Variants in MIA2 observed in about 807,000 individuals in gnomAD.
The protein encoded by MIA2 is MIA SH3 domain ER export factor 2.
In MIA2, 127 loss-of-function variants were observed where a neutral mutation model predicts 167.8. The ratio of observed to expected loss-of-function variants is 0.76; its 90% CI spans 0.66 to 0.88. The LOEUF (loss-of-function observed/expected upper bound fraction) is 0.88, where lower values mean the gene tolerates loss of function less well. Ranked by LOEUF, MIA2 falls within the 40% of genes least tolerant of loss-of-function variation. MIA2 has a pLI of 0.00. For synonymous variants in MIA2, 552 were observed against 541.9 expected, an observed-to-expected ratio of 1.02 and a Z score of -0.26; for missense variants, 1,690 against 1,624.7, an observed-to-expected ratio of 1.04 and a Z score of -0.69.
intron 9 of MIA2, among the ~76,000 whole-genome samples, chr14:39,286,626 C>T (rs999945968): frequency 4.6e-5 from 7 of 151,668 alleles, no homozygotes; most frequent in African/African-American, 1.2e-4. Flanking sequence ...ATGTCATCTG[C>T]GAACAGATAA....
chr14:39,246,420 C>CAAAT (rs1264097920), intron 3 of MIA2, among the ~76,000 whole-genome samples: 33 of 152,204 alleles, frequency 2.2e-4, no homozygotes, highest in African/African-American at 7.2e-4. Flanking sequence ...TATTTAATAA[C>CAAAT]AAATAAATCA....
At chr14:39,364,867 G>C (rs1387754329) in intron 23 of MIA2, among the ~76,000 whole-genome samples, 1 of 149,582 alleles carries the variant, frequency 6.7e-6, no homozygotes, top group African/African-American at 2.5e-5. Context: ...TTTTTTTCTT[G>C]TTGTTTTTGG....
chr14:39,274,651 C>A (rs2057675813), intron 6 of MIA2, among the ~76,000 whole-genome samples: 2 of 149,576 alleles, frequency 1.3e-5, no homozygotes, highest in South Asian at 2.2e-4. Context: ...GTCTCAAACT[C>A]CTGACCTCAA....
At chr14:39,372,569 A>G (rs945819819) in intron 23 of MIA2, among the ~76,000 whole-genome samples, 9 of 152,198 alleles carry the variant, frequency 5.9e-5, no homozygotes, top group African/African-American at 1.9e-4. Flanking sequence ...TGAACTTCGT[A>G]AATTTTAAAT....
At chr14:39,361,029 A>G (rs759774608) in intron 23 of MIA2, among the ~76,000 whole-genome samples, 2 of 152,214 alleles carry the variant, frequency 1.3e-5, no homozygotes, top group Admixed American at 6.5e-5. Context: ...TTATACCAAT[A>G]CTATGCTGTT....
chr14:39,277,756 A>ATATATATATATATATGTGTG (rs2058348721), intron 7 of MIA2, among the ~76,000 whole-genome samples: 1 of 21,588 alleles, frequency 4.6e-5, no homozygotes, highest in Non-Finnish European at 7.8e-5. Flanking sequence ...GTGTATATAT[A>ATATATATATATATATGTGTG]TATATATATA....
At chr14:39,290,583 A>G (rs982656404) in intron 9 of MIA2, among the ~76,000 whole-genome samples, 19 of 152,152 alleles carry the variant, frequency 1.2e-4, no homozygotes, top group African/African-American at 4.6e-4. Flanking sequence ...GTCAGTTGCT[A>G]TATATTTCTC....
At chr14:39,277,310 G>T (rs927702187) in intron 7 of MIA2, among the ~76,000 whole-genome samples, 7 of 151,658 alleles carry the variant, frequency 4.6e-5, no homozygotes, top group Non-Finnish European at 1.0e-4. Flanking sequence ...AAGATCACTT[G>T]AGCTTAGGGG....
At chr14:39,365,861 T>C (rs2074811211) in intron 23 of MIA2, among the ~76,000 whole-genome samples, 1 of 152,214 alleles carries the variant, frequency 6.6e-6, no homozygotes, top group Admixed American at 6.5e-5. Flanking sequence ...AATTATTTTG[T>C]TTCTCTGGCT....
chr14:39,334,166 A>G lies in MIA2; in HGVS notation c.3655+7144A>G, dbSNP rs560218369. Among the ~76,000 whole-genome samples the G allele has an allele frequency of 8.5e-5, 13 of 152,320 alleles. No homozygotes were observed. In the East Asian group the frequency reaches 2.5e-3, roughly 29 times the overall value. Reference sequence around the variant, plus strand: ...CTATGTTTGCTCTTGGTATATTGGTACATGCCATTTAAATAGTCACTGAAC... The same window carrying G: ...CTATGTTTGCTCTTGGTATATTGGTGCATGCCATTTAAATAGTCACTGAAC... On this transcript the variant is annotated intron_variant, in intron 25 of 28. Coordinates refer to ENST00000640607, the MANE Select transcript of MIA2 (RefSeq NM_001329214.4).
At position 39,247,140 on chromosome 14, in the gene MIA2, G is replaced by A; in HGVS notation, c.566G>A (p.Ser189Asn). ...TTAGAGGCTCCTGAAGATATCGGAA[G>A]TACCAGTGAATCAAAAGACTGGGAA... ...PALEAPEDIG[S>N]TSESKDWEEV... The change falls in exon 4 of 29, where the codon AGT becomes AAT. Residue 189 changes from serine to asparagine, a missense_variant. By Grantham distance (46) the Ser-to-Asn change is conservative. Coordinates refer to ENST00000640607, the MANE Select transcript of MIA2 (RefSeq NM_001329214.4). 6.2e-7 allele frequency: 1 copy of A among 1,614,048 alleles called. No homozygotes were observed. The highest frequency in any genetic ancestry group is 8.5e-7 in the Non-Finnish European group (1 of 1,180,004).
At chr14:39,262,063 C>T (rs1362113062) in intron 6 of MIA2, among the ~76,000 whole-genome samples, 2 of 152,084 alleles carry the variant, frequency 1.3e-5, no homozygotes, top group African/African-American at 4.8e-5. Flanking sequence ...GAAGTCCTTG[C>T]CCATGCCTAT....
downstream of MIA2, among the ~76,000 whole-genome samples, chr14:39,355,275 C>T (rs1193782073): frequency 6.6e-6 from 1 of 152,174 alleles, no homozygotes; most frequent in African/African-American, 2.4e-5. Flanking sequence ...TTCTTCACAT[C>T]CCTTGTAAGT....
At chr14:39,381,029 A>C (rs905799458) in intron 23 of MIA2, among the ~76,000 whole-genome samples, 2 of 151,146 alleles carry the variant, frequency 1.3e-5, no homozygotes, top group Admixed American at 6.6e-5. Context: ...AAACAAAAAA[A>C]AAAAAAACAA....
intron 9 of MIA2, among the ~76,000 whole-genome samples, chr14:39,281,631 T>G (rs1430128087): frequency 6.6e-6 from 1 of 151,244 alleles, no homozygotes; most frequent in African/African-American, 2.4e-5. Flanking sequence ...TTTTTTTTTT[T>G]TTTGGAGACG....
chr14:39,303,231 G>GT (rs2062812317), intron 15 of MIA2, among the ~76,000 whole-genome samples: 1 of 152,098 alleles, frequency 6.6e-6, no homozygotes, highest in Non-Finnish European at 1.5e-5. Flanking sequence ...TAGAATCCTT[G>GT]TTATAACTCT....
intron 9 of MIA2, among the ~76,000 whole-genome samples, chr14:39,289,997 T>C (rs1267626118): frequency 1.3e-5 from 2 of 152,212 alleles, no homozygotes; most frequent in Admixed American, 1.3e-4. Context: ...TGGCATTATA[T>C]TGGGCCCACC....
chr14:39,307,402 T>A lies in MIA2; in HGVS notation c.2879-1047T>A, dbSNP rs1380185026. Among the ~76,000 whole-genome samples, 9 of 125,276 alleles carry A rather than the reference T, an allele frequency of 7.2e-5. 1 individual carries two copies. The South Asian group carries it at 1.0e-3, about 15-fold the overall frequency. 82.2% of individuals were successfully genotyped at this position (125,276 alleles called of 152,430 possible). A position where few individuals can be genotyped will look rare whatever the true frequency, so the allele number is the denominator to read the frequency against. On this transcript the variant is annotated intron_variant, in intron 17 of 28. Coordinates refer to ENST00000640607, the MANE Select transcript of MIA2 (RefSeq NM_001329214.4). ...AAAAGTTAAAAGAATTTTTTTTTTT[T>A]TTTTTTTTTTTTTTTTGGAGACAGG...
At chr14:39,291,223 T>A in intron 10 of MIA2, 127 bp downstream of exon 10, 1 of 710,632 alleles carries the variant, frequency 1.4e-6, no homozygotes, top group Non-Finnish European at 2.1e-6. Flanking sequence ...ATGTTAAAAC[T>A]TAAATAAGAA....
Sources: allele counts gnomAD v4.1 joint callset (sites outside exome capture counted in the v4.1 genomes callset), GRCh38; gene constraint gnomAD v4.1.1; transcripts MANE v1.5; gene names NCBI Gene and HGNC (gene_info 2026-07-23, HGNC 2026-07-21).